CPEB3: variants seen among roughly 807,000 people sequenced by gnomAD.
The protein encoded by CPEB3 is cytoplasmic polyadenylation element binding protein 3.
CPEB3 carries 20 observed loss-of-function variants against 67.2 expected under a neutral mutation model. The ratio of observed to expected loss-of-function variants is 0.30; its 90% confidence interval spans 0.21 to 0.43. The LOEUF (loss-of-function observed/expected upper bound fraction) is 0.43. Ranked by LOEUF, CPEB3 falls within the 20% of genes least tolerant of loss-of-function variation. The probability of loss-of-function intolerance (pLI) is 1.00; values close to 1 mark genes in which losing one functional copy is unlikely to be tolerated. For missense variants in CPEB3, 746 were observed against 968.6 expected (o/e 0.77, Z 3.05); for synonymous variants, 376 against 393.1 (o/e 0.96, Z 0.51).
At chr10:92,128,009 A>C (rs1845680204) in intron 6 of CPEB3, among the ~76,000 whole-genome samples, 1 of 152,232 alleles carries the variant, frequency 6.6e-6, no homozygotes, top group African/African-American at 2.4e-5. Context: ...CTTGAAACTA[A>C]GCACAACATT....
In CPEB3 at chr10:92,085,560, A is replaced by T. The variant is rs1019667531; in HGVS notation, c.1688-4059T>A. ...GATGACTACATCTCTGAATCTGAAT[A>T]TAAGCTTCAATTATGGTTCCTTGGA... On this transcript the variant is annotated intron_variant, in intron 8 of 9. Coordinates refer to ENST00000265997, the MANE Select transcript of CPEB3 (RefSeq NM_014912.5). Among the ~76,000 whole-genome samples the T allele has an allele frequency of 4.6e-5, 7 of 152,180 alleles. No homozygotes were observed. In the East Asian group the frequency reaches 7.7e-4, roughly 17 times the overall value.
At chr10:92,268,294 T>C (rs1413514076) in intron 1 of CPEB3, among the ~76,000 whole-genome samples, 1 of 152,182 alleles carries the variant, frequency 6.6e-6, no homozygotes, top group Non-Finnish European at 1.5e-5. Flanking sequence ...TATTCATTAC[T>C]TTCCCTTCTT....
chr10:92,266,715 T>C (rs1853073950), intron 1 of CPEB3, among the ~76,000 whole-genome samples: 1 of 152,074 alleles, frequency 6.6e-6, no homozygotes, highest in South Asian at 2.1e-4. Flanking sequence ...GTGATGTGAC[T>C]GACAGATCTG....
intron 9 of CPEB3, among the ~76,000 whole-genome samples, chr10:92,055,406 A>G (rs986518998): frequency 1.3e-5 from 2 of 152,232 alleles, no homozygotes; most frequent in African/African-American, 4.8e-5. Context: ...TCCAGAAACC[A>G]GGCACTTCTC....
At chr10:92,162,771 G>A (rs1296045621) in intron 4 of CPEB3, among the ~76,000 whole-genome samples, 2 of 152,122 alleles carry the variant, frequency 1.3e-5, no homozygotes, top group African/African-American at 4.8e-5. Context: ...GACTTGGCCT[G>A]CACTAAGTTT....
chr10:92,256,868 A>C (rs1166794059), intron 1 of CPEB3, among the ~76,000 whole-genome samples: 1 of 152,224 alleles, frequency 6.6e-6, no homozygotes, highest in African/African-American at 2.4e-5. Context: ...TTATTTGTTT[A>C]CACATCTGCC....
chr10:92,240,146 CCGGGCCGTTG>C lies in CPEB3; in HGVS notation c.195_204del (p.Asn66ThrfsTer13). ...AGCGGTGATTCCATCTGCATCTTGT[CCGGGCCGTTG>C]GGGGCCGGGGGGGCAGCGGCTGGGC... On this transcript the variant is annotated frameshift_variant, in exon 2 of 10. Coordinates refer to ENST00000265997, the MANE Select transcript of CPEB3 (RefSeq NM_014912.5). LOFTEE classifies it high-confidence loss of function. 6.4e-7 allele frequency: 1 copy of C among 1,563,706 alleles called. No individual in the cohort carries two copies.
intron 9 of CPEB3, among the ~76,000 whole-genome samples, chr10:92,066,198 A>C (rs950702463): frequency 6.6e-6 from 1 of 152,186 alleles, no homozygotes; most frequent in African/African-American, 2.4e-5. Context: ...CTTTTTAAAA[A>C]ATATACTATG....
intron 2 of CPEB3, among the ~76,000 whole-genome samples, chr10:92,201,688 G>A (rs963850046): frequency 3.9e-5 from 6 of 152,138 alleles, no homozygotes; most frequent in African/African-American, 1.4e-4. Flanking sequence ...AGTTTACTGG[G>A]CATTGATTTA....
chr10:92,252,990 G>A (rs1292222722), intron 1 of CPEB3, among the ~76,000 whole-genome samples: 1 of 151,786 alleles, frequency 6.6e-6, no homozygotes, highest in East Asian at 1.9e-4. Flanking sequence ...GTGGTGTGAT[G>A]ACAGCTCACT....
chr10:92,193,021 G>A (rs1812993373), intron 2 of CPEB3, among the ~76,000 whole-genome samples: 1 of 152,156 alleles, frequency 6.6e-6, no homozygotes, highest in Non-Finnish European at 1.5e-5. Flanking sequence ...AGACCAGCCT[G>A]GCCAACAGGG....
At chr10:92,255,802 A>G (rs1852490487) in intron 1 of CPEB3, among the ~76,000 whole-genome samples, 1 of 152,184 alleles carries the variant, frequency 6.6e-6, no homozygotes, top group Admixed American at 6.6e-5. Context: ...GCTCTCCTGT[A>G]TCTTTACTTA....
At chr10:92,223,573 T>C (rs1264100694) in intron 2 of CPEB3, among the ~76,000 whole-genome samples, 4 of 134,540 alleles carry the variant, frequency 3.0e-5, no homozygotes, top group East Asian at 4.1e-4. Context: ...ATTTCTTTTT[T>C]TTTTTTTTTT....
intron 4 of CPEB3, among the ~76,000 whole-genome samples, chr10:92,165,569 T>C (rs946311654): frequency 6.6e-6 from 1 of 152,132 alleles, no homozygotes; most frequent in Non-Finnish European, 1.5e-5. Context: ...TCACAAAATA[T>C]TTCTCTGTAG....
intron 2 of CPEB3, among the ~76,000 whole-genome samples, chr10:92,226,710 T>TTAGG (rs1361207118): frequency 6.6e-6 from 1 of 151,916 alleles, no homozygotes; most frequent in Non-Finnish European, 1.5e-5. Context: ...ATAAGAGGAA[T>TTAGG]TAGGGAAGAT....
At chr10:92,235,960 T>G (rs1368568771) in intron 2 of CPEB3, among the ~76,000 whole-genome samples, 1 of 152,220 alleles carries the variant, frequency 6.6e-6, no homozygotes, top group Non-Finnish European at 1.5e-5. Context: ...ATAAGTAATT[T>G]GTGGGTTTTG....
chr10:92,216,652 T>C (rs1590414218), intron 2 of CPEB3: 2 of 1,607,100 alleles, frequency 1.2e-6, no homozygotes, highest in Non-Finnish European at 8.5e-7. Flanking sequence ...CCTATGTCTA[T>C]ATCCCCTCTA....
At chr10:92,144,155 G>A (rs1390146244) in intron 5 of CPEB3, among the ~76,000 whole-genome samples, 2 of 152,170 alleles carry the variant, frequency 1.3e-5, no homozygotes, top group African/African-American at 4.8e-5. Flanking sequence ...TTAGGCATAA[G>A]TGAACACTCA....
At chr10:92,189,020 C>T (rs915492835) in intron 3 of CPEB3, among the ~76,000 whole-genome samples, 2 of 152,146 alleles carry the variant, frequency 1.3e-5, no homozygotes, top group African/African-American at 4.8e-5. Flanking sequence ...ATCTCCCATG[C>T]TAATCCTTTT....
Sources: allele counts gnomAD v4.1 joint callset (sites outside exome capture counted in the v4.1 genomes callset), GRCh38; gene constraint gnomAD v4.1.1; transcripts MANE v1.5; gene names NCBI Gene and HGNC (gene_info 2026-07-23, HGNC 2026-07-21).